The following ARHGAP11B variants were observed in gnomAD, a reference collection of about 807,000 sequenced individuals.
ARHGAP11B encodes the protein Rho GTPase activating protein 11B, also known as inactive Rho GTPase-activating protein 11B.
A neutral mutation model predicts 27.6 loss-of-function variants in ARHGAP11B; 14 were observed. The observed-to-expected ratio is 0.51, with a 90% CI of 0.34 to 0.79. The LOEUF (loss-of-function observed/expected upper bound fraction) is 0.79, where lower values mean the gene tolerates loss of function less well. ARHGAP11B is among the 30% of genes least tolerant of loss of function. ARHGAP11B has a pLI of 0.02. For synonymous variants in ARHGAP11B, 82 were observed against 114.1 expected (o/e 0.72, Z 1.80); for missense variants, 245 against 320.1 (o/e 0.77, Z 1.79).
intron 7 of ARHGAP11B, among the ~76,000 whole-genome samples, chr15:30,644,072 A>G (rs528243494): frequency 3.9e-5 from 6 of 152,096 alleles, no homozygotes; most frequent in Admixed American, 1.3e-4. Flanking sequence ...CTGTAAACCC[A>G]GTGCCAACTA....
Position 30,635,061 on chromosome 15 carries a change from A to C in ARHGAP11B, c.552-19A>C. On this transcript the variant is annotated intron_variant, in intron 4 of 10. Coordinates refer to ENST00000428041, the Ensembl canonical transcript of ARHGAP11B. ...TTTTCACGTTTGGCTCCATCTAATA[A>C]AGCGTTTATTCACTTAAGATCCAGT... is the stretch of plus-strand genomic sequence containing the variant. 6.2e-7 allele frequency: 1 copy of C among 1,610,914 alleles called. No homozygotes were observed. Among genetic ancestry groups the C allele is most frequent in the Non-Finnish European group, 8.5e-7 (1 of 1,177,468 alleles).
chr15:30,645,229 CT>C (rs532444495), intron 8 of ARHGAP11B, among the ~76,000 whole-genome samples: 6 of 146,392 alleles, frequency 4.1e-5, no homozygotes, highest in African/African-American at 7.7e-5. Context: ...ATACCTTAAA[CT>C]TTTTTTTTTA....
intron 6 of ARHGAP11B, among the ~76,000 whole-genome samples, chr15:30,637,810 G>A (rs1351035568): frequency 7.0e-6 from 1 of 143,628 alleles, no homozygotes; most frequent in East Asian, 2.0e-4. Context: ...TTGCTATTAA[G>A]GCTCACTTTT....
At chr15:30,646,349 C>T (rs1367505404) in intron 9 of ARHGAP11B, 2 of 371,810 alleles carry the variant, frequency 5.4e-6, no homozygotes, top group Non-Finnish European at 3.8e-6. Flanking sequence ...TATAGAGGCT[C>T]AAACAAGTGC....
intron 1 of ARHGAP11B, 45 bp from the exon 2 acceptor site, chr15:30,630,658 T>A (rs879171355): frequency 6.5e-7 from 1 of 1,545,664 alleles, no homozygotes; most frequent in South Asian, 1.2e-5. Flanking sequence ...AAAACTGATA[T>A]TATGCCTAAT....
At chr15:30,633,657 T>G (rs905045116) in intron 3 of ARHGAP11B, 71 bp downstream of exon 3, 10 of 1,342,164 alleles carry the variant, frequency 7.5e-6, no homozygotes, top group Admixed American at 2.2e-5. Flanking sequence ...ACTGAAATAT[T>G]TAGAACTATT....
At chr15:30,636,484 C>G (rs996069991) in intron 6 of ARHGAP11B, among the ~76,000 whole-genome samples, 1 of 151,966 alleles carries the variant, frequency 6.6e-6, no homozygotes. Context: ...AATATCAGAA[C>G]CAAATGTTAC....
intron 1 of ARHGAP11B, among the ~76,000 whole-genome samples, chr15:30,629,775 T>C (rs1371473566): frequency 6.6e-6 from 1 of 152,052 alleles, no homozygotes; most frequent in East Asian, 1.9e-4. Flanking sequence ...GCTTCTTGGT[T>C]GATAACTTGT....
chr15:30,639,067 G>A (rs1029988070), intron 7 of ARHGAP11B, among the ~76,000 whole-genome samples: 12 of 151,750 alleles, frequency 7.9e-5, no homozygotes, highest in African/African-American at 2.2e-4. Context: ...TCTTAATCAT[G>A]CTTTTCTGTT....
chr15:30,637,816 C>CTTT (rs398026724), intron 6 of ARHGAP11B, among the ~76,000 whole-genome samples: 7 of 103,120 alleles, frequency 6.8e-5, no homozygotes, highest in African/African-American at 1.5e-4. Context: ...TTAAGGCTCA[C>CTTT]TTTTTTTTTT....
intron 6 of ARHGAP11B, 134 bp from the exon 7 acceptor site, chr15:30,638,612 T>A (rs2060296194): frequency 2.1e-6 from 1 of 480,558 alleles, no homozygotes. Flanking sequence ...TTTGAAATAA[T>A]TCCTCTTAAA....
intron 9 of ARHGAP11B, among the ~76,000 whole-genome samples, chr15:30,646,554 TATAG>T (rs2060349321): frequency 1.3e-5 from 2 of 151,694 alleles, no homozygotes; most frequent in African/African-American, 4.8e-5. Context: ...TAAAAAAATA[TATAG>T]GCTGAGGCAG....
chr15:30,648,973 A>G (rs2060369401), exon 11 of ARHGAP11B: 1 of 152,084 alleles, frequency 6.6e-6, no homozygotes, highest in African/African-American at 2.4e-5. Context: ...TTAAAAATGA[A>G]TCAATGAAAT....
intron 7 of ARHGAP11B, chr15:30,644,563 C>G: frequency 1.3e-6 from 1 of 798,850 alleles, no homozygotes; most frequent in South Asian, 1.8e-5. Context: ...GATTTATTAT[C>G]TGATATAAGG....
At chr15:30,628,420 G>C (rs891421396) in intron 1 of ARHGAP11B, among the ~76,000 whole-genome samples, 3 of 151,998 alleles carry the variant, frequency 2.0e-5, no homozygotes, top group African/African-American at 7.2e-5. Flanking sequence ...CCTGTTTTCA[G>C]AGTCGGATAG....
chr15:30,644,847 T>C (rs903132811), intron 8 of ARHGAP11B: 3 of 793,412 alleles, frequency 3.8e-6, no homozygotes, highest in East Asian at 2.6e-5. Flanking sequence ...GTCAGTGTTA[T>C]GTGAATTGTA....
exon 6 of ARHGAP11B, chr15:30,635,605 T>G (rs982807770): frequency 2.5e-6 from 4 of 1,613,458 alleles, no homozygotes; most frequent in Non-Finnish European, 3.4e-6. Context: ...CTGGTGAATA[T>G]AAGAGAAAGA....
At chr15:30,628,804 G>GT (rs2060225367) in intron 1 of ARHGAP11B, among the ~76,000 whole-genome samples, 2 of 152,114 alleles carry the variant, frequency 1.3e-5, no homozygotes. Flanking sequence ...GCTAACTGTA[G>GT]TTTTAAGTTT....
chr15:30,645,757 C>T (rs2060343762), intron 8 of ARHGAP11B, among the ~76,000 whole-genome samples: 1 of 151,964 alleles, frequency 6.6e-6, no homozygotes, highest in Non-Finnish European at 1.5e-5. Context: ...GTGCTTTTCT[C>T]AATATTTGAG....
Sources: gnomAD v4.1 joint callset for allele counts (sites outside exome capture counted in the v4.1 genomes callset) on GRCh38, gnomAD v4.1.1 for gene constraint, MANE v1.5 for transcripts, NCBI Gene and HGNC (gene_info 2026-07-23, HGNC 2026-07-21) for gene names.